The following ROBO2 variants were observed in gnomAD, a reference collection of about 807,000 sequenced individuals.
The protein encoded by ROBO2 is roundabout guidance receptor 2.
ROBO2 carries 53 observed loss-of-function variants against 160.8 expected under a neutral mutation model. That is an observed-to-expected ratio of 0.33 (90% CI 0.26 to 0.41). ROBO2 has a LOEUF of 0.41. ROBO2 is among the 10% of genes least tolerant of loss of function. The probability of loss-of-function intolerance (pLI) is 1.00; values close to 1 mark genes in which losing one functional copy is unlikely to be tolerated. For synonymous variants in ROBO2, 664 were observed against 611.7 expected (o/e 1.09, Z -1.26); for missense variants, 1,577 against 1,722.4 (o/e 0.92, Z 1.49).
Position 76,567,683 on chromosome 3 carries a change from A to G in ROBO2, c.110-530331A>G, listed in dbSNP as rs184194534. ...TACACATATATATACATATATATGT[A>G]TATATATATGTATATCAGTGTATAT... On this transcript the variant is annotated intron_variant, in intron 2 of 26. Transcript: ENST00000487694. Among the ~76,000 whole-genome samples, 376 of 136,042 alleles carry G rather than the reference A, an allele frequency of 2.8e-3. 3 individuals carry two copies. Among genetic ancestry groups the G allele is most frequent in the African/African-American group, 9.5e-3 (353 of 36,996 alleles). The allele number at this position is 136,042 out of a possible 152,430, so 89.2% of individuals were successfully genotyped here.
At chr3:76,314,116 TC>T (rs1210576588) in intron 2 of ROBO2, among the ~76,000 whole-genome samples, 4 of 152,172 alleles carry the variant, frequency 2.6e-5, no homozygotes, top group African/African-American at 9.7e-5. Flanking sequence ...CAGCAAGTTT[TC>T]CCTCAGGCAT....
At chr3:77,381,790 CCTT>C (rs2073505883) in intron 2 of ROBO2, among the ~76,000 whole-genome samples, 1 of 152,196 alleles carries the variant, frequency 6.6e-6, no homozygotes, top group African/African-American at 2.4e-5. Flanking sequence ...TGATTCTCCT[CCTT>C]TACTTTTGCT....
At chr3:76,798,120 AAG>A (rs931437827) in intron 2 of ROBO2, among the ~76,000 whole-genome samples, 3 of 141,228 alleles carry the variant, frequency 2.1e-5, no homozygotes, top group Non-Finnish European at 4.6e-5. Flanking sequence ...AAAGAAGAGA[AAG>A]AAGAAAGAAA....
intron 2 of ROBO2, among the ~76,000 whole-genome samples, chr3:76,221,986 G>A (rs2107413540): frequency 6.6e-6 from 1 of 152,270 alleles, no homozygotes; most frequent in South Asian, 2.1e-4. Context: ...GTAGCTGGCT[G>A]ATCACCCTGG....
chr3:77,008,961 T>C (rs2061725263), intron 2 of ROBO2, among the ~76,000 whole-genome samples: 1 of 152,216 alleles, frequency 6.6e-6, no homozygotes. Flanking sequence ...TTTATTTTGT[T>C]CCTTCTTTTG....
In ROBO2 at chr3:76,831,147, T is replaced by G. The variant is rs537946049; in HGVS notation, c.110-266867T>G. On this transcript the variant is annotated intron_variant, in intron 2 of 26. Coordinates refer to the ROBO2 transcript ENST00000487694. Reference sequence around the variant, plus strand: ...TGAGTCCAATTACCACAGGCTATATTCAAAATAACATCCAGAGATAACGTT... The same window carrying G: ...TGAGTCCAATTACCACAGGCTATATGCAAAATAACATCCAGAGATAACGTT... Among the ~76,000 whole-genome samples, 5 of 152,270 alleles carry G rather than the reference T, an allele frequency of 3.3e-5. No individual in the cohort carries two copies. In the South Asian group the frequency reaches 8.3e-4, roughly 25 times the overall value.
At chr3:77,568,800 C>G (rs2093561557) in intron 13 of ROBO2, among the ~76,000 whole-genome samples, 1 of 151,918 alleles carries the variant, frequency 6.6e-6, no homozygotes, top group African/African-American at 2.4e-5. Flanking sequence ...TGCCTGTTAA[C>G]ATTGATTCTC....
intron 2 of ROBO2, among the ~76,000 whole-genome samples, chr3:76,216,055 A>C (rs1459218729): frequency 6.6e-6 from 1 of 152,202 alleles, no homozygotes; most frequent in Non-Finnish European, 1.5e-5. Context: ...ATATCCAGCC[A>C]AACTAAGCTT....
chr3:76,883,027 G>A (rs1460838429), intron 2 of ROBO2, among the ~76,000 whole-genome samples: 4 of 152,064 alleles, frequency 2.6e-5, no homozygotes, highest in Non-Finnish European at 5.9e-5. Flanking sequence ...AAGGAGAATG[G>A]CCTCTTTTGC....
intron 2 of ROBO2, among the ~76,000 whole-genome samples, chr3:76,065,357 G>T (rs530190886): frequency 1.7e-4 from 26 of 152,166 alleles, no homozygotes; most frequent in African/African-American, 6.3e-4. Context: ...TCTCAAGGAA[G>T]ATGACTACAA....
At chr3:77,148,513 A>G (rs2077292565) in intron 2 of ROBO2, among the ~76,000 whole-genome samples, 1 of 152,242 alleles carries the variant, frequency 6.6e-6, no homozygotes, top group Admixed American at 6.5e-5. Context: ...AGTTAAAACA[A>G]TGTATAAAAA....
At chr3:77,573,064 T>C (rs1215037154) in intron 13 of ROBO2, among the ~76,000 whole-genome samples, 3 of 152,046 alleles carry the variant, frequency 2.0e-5, no homozygotes, top group Non-Finnish European at 4.4e-5. Context: ...TCCATTTCTT[T>C]TCCATTAATC....
intron 2 of ROBO2, among the ~76,000 whole-genome samples, chr3:77,294,751 C>G (rs2061832701): frequency 6.8e-6 from 1 of 147,644 alleles, no homozygotes; most frequent in African/African-American, 2.6e-5. Flanking sequence ...TAAGCTGAGG[C>G]TAGATCACCC....
intron 2 of ROBO2, among the ~76,000 whole-genome samples, chr3:76,922,979 C>T (rs2076761216): frequency 1.3e-5 from 2 of 152,278 alleles, no homozygotes; most frequent in East Asian, 1.9e-4. Context: ...ATCTTTTATC[C>T]GCTCTCAAGA....
chr3:75,938,579 A>G (rs1947900231), intron 2 of ROBO2, among the ~76,000 whole-genome samples: 1 of 152,108 alleles, frequency 6.6e-6, no homozygotes, highest in African/African-American at 2.4e-5. Flanking sequence ...ATAAAATTGA[A>G]AGTGTGCAGT....
chr3:76,906,067 T>C (rs1276299507), intron 2 of ROBO2, among the ~76,000 whole-genome samples: 1 of 152,184 alleles, frequency 6.6e-6, no homozygotes, highest in African/African-American at 2.4e-5. Context: ...AATGAACTGC[T>C]TCTCTCAAAT....
chr3:76,220,748 AACACAC>A (rs370105134), intron 2 of ROBO2, among the ~76,000 whole-genome samples: 4 of 151,094 alleles, frequency 2.6e-5, no homozygotes, highest in South Asian at 2.1e-4. Flanking sequence ...ATTTGATGAA[AACACAC>A]ACACACACAC....
chr3:76,093,579 G>A (rs1050833227), intron 2 of ROBO2, among the ~76,000 whole-genome samples: 54 of 149,298 alleles, frequency 3.6e-4, no homozygotes, highest in African/African-American at 1.2e-3. Flanking sequence ...TATATAAATT[G>A]CTTGGAATGA....
chr3:77,343,563 G>C (rs939167200), intron 2 of ROBO2, among the ~76,000 whole-genome samples: 1 of 152,102 alleles, frequency 6.6e-6, no homozygotes, highest in African/African-American at 2.4e-5. Context: ...TACAGACTAA[G>C]GGGCTTAGGA....
Sources: allele counts gnomAD v4.1 joint callset (sites outside exome capture counted in the v4.1 genomes callset), GRCh38; gene constraint gnomAD v4.1.1; transcripts MANE v1.5; gene names NCBI Gene and HGNC (gene_info 2026-07-23, HGNC 2026-07-21).